Variants in RABGEF1 observed in about 807,000 individuals in gnomAD.
RABGEF1 encodes the protein RAB guanine nucleotide exchange factor 1, also known as rab5 GDP/GTP exchange factor.
RABGEF1 carries 26 observed loss-of-function variants against 57.3 expected under a neutral mutation model. The observed-to-expected ratio is 0.45, with a 90% CI of 0.33 to 0.63. The LOEUF (loss-of-function observed/expected upper bound fraction) is 0.63. Ranked by LOEUF, RABGEF1 falls within the 20% of genes least tolerant of loss-of-function variation. The pLI is 0.02. For synonymous variants in RABGEF1, 185 were observed against 210.7 expected (o/e 0.88, Z 1.06); for missense variants, 464 against 607.6 (o/e 0.76, Z 2.48).
At chr7:66,766,467 T>C (rs1805738539) in intron 1 of RABGEF1, among the ~76,000 whole-genome samples, 1 of 152,184 alleles carries the variant, frequency 6.6e-6, no homozygotes, top group Admixed American at 6.5e-5. Flanking sequence ...TCTTTTCTTT[T>C]TTTCTACTTG....
intron 1 of RABGEF1, among the ~76,000 whole-genome samples, chr7:66,691,598 A>C (rs1318508074): frequency 1.3e-5 from 2 of 152,214 alleles, no homozygotes; most frequent in Non-Finnish European, 2.9e-5. Context: ...ATTCAGTAGA[A>C]ACTGTACTTC....
intron 2 of RABGEF1, among the ~76,000 whole-genome samples, chr7:66,722,673 A>G (rs1486199866): frequency 1.3e-5 from 2 of 152,234 alleles, no homozygotes; most frequent in African/African-American, 4.8e-5. Flanking sequence ...TCTATAAAAC[A>G]TCACTACTAT....
chr7:66,709,092 A>G (rs1378334694), intron 1 of RABGEF1, among the ~76,000 whole-genome samples: 2 of 151,346 alleles, frequency 1.3e-5, no homozygotes, highest in South Asian at 2.1e-4. Flanking sequence ...ATCTCGGCTC[A>G]CTACAACCTC....
chr7:66,778,151 G>T (rs1808984165), intron 3 of RABGEF1, among the ~76,000 whole-genome samples: 2 of 152,162 alleles, frequency 1.3e-5, no homozygotes, highest in Admixed American at 1.3e-4. Context: ...ATTAGGTCTA[G>T]ACTAGAAACA....
intron 1 of RABGEF1, among the ~76,000 whole-genome samples, chr7:66,684,138 C>G (rs570164838): frequency 2.6e-5 from 4 of 152,186 alleles, no homozygotes; most frequent in African/African-American, 9.6e-5. Context: ...TAGCTGGGTC[C>G]TTATGTGGTT....
At chr7:66,723,559 C>A (rs776603424) in intron 2 of RABGEF1, among the ~76,000 whole-genome samples, 3 of 152,030 alleles carry the variant, frequency 2.0e-5, no homozygotes, top group Non-Finnish European at 4.4e-5. Context: ...TTTCTTTAAA[C>A]AATTACTGTT....
intron 1 of RABGEF1, among the ~76,000 whole-genome samples, chr7:66,699,199 C>T (rs754161440): frequency 2.0e-5 from 3 of 152,170 alleles, no homozygotes; most frequent in Non-Finnish European, 4.4e-5. Flanking sequence ...GAGCCCCTCT[C>T]CAGGGAGAGC....
chr7:66,659,808 TAAAAG>T, the RABGEF1 span, among the ~76,000 whole-genome samples: 15 of 148,902 alleles, frequency 1.0e-4, no homozygotes, highest in South Asian at 1.1e-3. Flanking sequence ...AAATAAAAAA[TAAAAG>T]AAAGATCTCA....
At chr7:66,793,628 C>T (rs1652411211) in intron 4 of RABGEF1, among the ~76,000 whole-genome samples, 1 of 151,574 alleles carries the variant, frequency 6.6e-6, no homozygotes, top group Admixed American at 6.6e-5. Flanking sequence ...AATGGATAAG[C>T]TTTTGCATAA....
the RABGEF1 span, among the ~76,000 whole-genome samples, chr7:66,658,847 T>A: frequency 3.9e-5 from 6 of 152,066 alleles, no homozygotes; most frequent in Non-Finnish European, 8.8e-5. Flanking sequence ...GCCATTCTCC[T>A]GCCTCAGCCT....
chr7:66,739,397 A>G (rs1798461906), upstream of RABGEF1, among the ~76,000 whole-genome samples: 1 of 151,398 alleles, frequency 6.6e-6, no homozygotes. Context: ...GCTCACACCT[A>G]TAATCCTAGC....
rs564673169 is a variant in RABGEF1 at position 66,810,184 on chromosome 7, AG to A, written c.*904del. On this transcript the variant is annotated 3_prime_UTR_variant, in exon 9 of 9. Transcript: ENST00000284957. ...CGGGGTCCCTCAGCTGTGAGATGCA[AG>A]GGGCGCCTTGCAGCCTCCATAATAT... is the stretch of plus-strand genomic sequence containing the variant. The A allele has an allele frequency of 1.6e-3, 237 of 152,286 alleles. No homozygotes were observed. The highest frequency in any genetic ancestry group is 5.5e-3 in the African/African-American group (228 of 41,564). The allele number at this position is 152,286 out of a possible 1,614,324, so 9.4% of individuals were successfully genotyped here.
chr7:66,799,239 G>A (rs543314236), intron 6 of RABGEF1, 84 bp from the exon 7 acceptor site: 494 of 1,118,070 alleles, frequency 4.4e-4, no homozygotes, highest in Middle Eastern at 2.6e-3. Flanking sequence ...GATGCCTCAG[G>A]CTTTCCCTAA....
chr7:66,697,010 G>C (rs1792446690), intron 1 of RABGEF1, among the ~76,000 whole-genome samples: 1 of 152,152 alleles, frequency 6.6e-6, no homozygotes, highest in Non-Finnish European at 1.5e-5. Flanking sequence ...GCAGAGAGAG[G>C]ACTGCAGAAG....
At chr7:66,760,442 ATTTTTTT>A (rs1024130038) in intron 1 of RABGEF1, among the ~76,000 whole-genome samples, 5 of 126,156 alleles carry the variant, frequency 4.0e-5, no homozygotes, top group Admixed American at 1.6e-4. Flanking sequence ...GTTAGCATGT[ATTTTTTT>A]TTTTTTTTTT....
the RABGEF1 span, among the ~76,000 whole-genome samples, chr7:66,672,945 C>T: frequency 2.0e-5 from 3 of 149,200 alleles, no homozygotes; most frequent in Admixed American, 6.8e-5. Flanking sequence ...AGGAAAGTGC[C>T]GGCCCCAGCT....
At chr7:66,785,793 G>A (rs757145065) in intron 4 of RABGEF1, among the ~76,000 whole-genome samples, 1 of 152,076 alleles carries the variant, frequency 6.6e-6, no homozygotes, top group Non-Finnish European at 1.5e-5. Context: ...AGAATGGCGT[G>A]AACCTGGGAG....
At chr7:66,774,104 C>A (rs1272476068) in intron 2 of RABGEF1, among the ~76,000 whole-genome samples, 1 of 152,218 alleles carries the variant, frequency 6.6e-6, no homozygotes, top group Non-Finnish European at 1.5e-5. Flanking sequence ...TCACTACTTA[C>A]CAAGTTAGCT....
chr7:66,704,634 C>T (rs1478991284), intron 1 of RABGEF1, among the ~76,000 whole-genome samples: 1 of 151,870 alleles, frequency 6.6e-6, no homozygotes, highest in East Asian at 1.9e-4. Context: ...CACTGTGAAA[C>T]CCCATCTCTA....
Sources: allele counts gnomAD v4.1 joint callset (sites outside exome capture counted in the v4.1 genomes callset), GRCh38; gene constraint gnomAD v4.1.1; transcripts MANE v1.5; gene names NCBI Gene and HGNC (gene_info 2026-07-23, HGNC 2026-07-21).